The following PPP1R42 variants were observed in gnomAD, a reference collection of about 807,000 sequenced individuals.
PPP1R42 encodes protein phosphatase 1 regulatory subunit 42.
In PPP1R42, 34 loss-of-function variants were observed where a neutral mutation model predicts 31.0. That is an observed-to-expected ratio of 1.10 (90% CI 0.83 to 1.46). PPP1R42 has a LOEUF of 1.46. Ranked by LOEUF, PPP1R42 falls within the 40% of genes most tolerant of loss-of-function variation. PPP1R42 has a pLI of 0.00. For synonymous variants in PPP1R42, 103 were observed against 109.8 expected (o/e 0.94, Z 0.39); for missense variants, 268 against 303.0 (o/e 0.88, Z 0.86).
At chr8:66,992,933 G>A (rs1815233259) in intron 5 of PPP1R42, among the ~76,000 whole-genome samples, 1 of 152,138 alleles carries the variant, frequency 6.6e-6, no homozygotes, top group Admixed American at 6.6e-5. Context: ...CACTTAATAC[G>A]CTGAAGATTC....
intron 1 of PPP1R42, among the ~76,000 whole-genome samples, chr8:67,026,004 CAAAAAAA>C (rs534627312): frequency 1.2e-5 from 1 of 82,814 alleles, no homozygotes; most frequent in African/African-American, 4.5e-5. Flanking sequence ...GACTCCGTCT[CAAAAAAA>C]AAAAAAAAGA....
At chr8:66,998,479 C>T (rs1210619574) in intron 5 of PPP1R42, among the ~76,000 whole-genome samples, 2 of 152,154 alleles carry the variant, frequency 1.3e-5, no homozygotes, top group East Asian at 3.8e-4. Flanking sequence ...TATATGTACC[C>T]AATCACATAG....
intron 7 of PPP1R42, among the ~76,000 whole-genome samples, chr8:66,977,704 C>T (rs1157165692): frequency 6.6e-6 from 1 of 152,006 alleles, no homozygotes; most frequent in African/African-American, 2.4e-5. Context: ...AGGGGTTTCA[C>T]CATATTGGCC....
At chr8:66,966,148 TG>T (rs1249712422) in intron 7 of PPP1R42, among the ~76,000 whole-genome samples, 1 of 152,236 alleles carries the variant, frequency 6.6e-6, no homozygotes, top group East Asian at 1.9e-4. Flanking sequence ...ATATCTCACT[TG>T]CCAGCTAGTG....
intron 5 of PPP1R42, among the ~76,000 whole-genome samples, chr8:66,991,080 G>A (rs1362815987): frequency 6.6e-6 from 1 of 152,136 alleles, no homozygotes. Context: ...GAAAACCAAT[G>A]AAGTAAATCA....
intron 6 of PPP1R42, chr8:66,985,358 C>T: frequency 1.3e-6 from 1 of 766,080 alleles, no homozygotes; most frequent in East Asian, 2.4e-5. Flanking sequence ...ATGGTTCCCT[C>T]CGAAGAGGGA....
intron 5 of PPP1R42, among the ~76,000 whole-genome samples, chr8:67,009,028 T>C (rs1264587784): frequency 2.0e-5 from 3 of 152,126 alleles, no homozygotes; most frequent in Admixed American, 2.0e-4. Context: ...CCCAGCACTT[T>C]GGGAGGCTGA....
chr8:67,005,410 GTC>G (rs1480733987), intron 5 of PPP1R42, among the ~76,000 whole-genome samples: 1 of 151,826 alleles, frequency 6.6e-6, no homozygotes, highest in East Asian at 1.9e-4. Flanking sequence ...TTTTTTCTCT[GTC>G]TCTATTGTCT....
chr8:66,988,711 G>C (rs1330914995), intron 5 of PPP1R42, among the ~76,000 whole-genome samples, 194 bp from the exon 6 acceptor site: 1 of 151,900 alleles, frequency 6.6e-6, no homozygotes, highest in African/African-American at 2.4e-5. Flanking sequence ...CTGAAGATGA[G>C]GCAAAAAAAA....
chr8:67,027,709 T>C (rs1207900079), intron 1 of PPP1R42, among the ~76,000 whole-genome samples: 2 of 152,236 alleles, frequency 1.3e-5, no homozygotes, highest in Non-Finnish European at 2.9e-5. Flanking sequence ...TTTTAGAACA[T>C]TATAATAAAA....
intron 3 of PPP1R42, among the ~76,000 whole-genome samples, chr8:67,014,174 T>C (rs1053256026): frequency 6.6e-6 from 1 of 152,144 alleles, no homozygotes. Flanking sequence ...AAAACACAAA[T>C]TATTAATATT....
intron 4 of PPP1R42, among the ~76,000 whole-genome samples, chr8:67,012,401 G>A (rs1377446671): frequency 2.0e-5 from 3 of 152,026 alleles, no homozygotes; most frequent in Non-Finnish European, 4.4e-5. Context: ...AATTTATTGT[G>A]GCACCTCCAT....
rs1003670963 is a variant in PPP1R42 at position 66,981,896 on chromosome 8, T to G, written c.802+153A>C. 6 of 718,512 alleles carry G rather than the reference T, an allele frequency of 8.4e-6. No individual in the cohort carries two copies. In the South Asian group the frequency reaches 1.6e-4, roughly 19 times the overall value. The allele number at this position is 718,512 out of a possible 1,614,324, so 44.5% of individuals were successfully genotyped here. On this transcript the variant is annotated intron_variant, in intron 7 of 7. Transcript: ENST00000685739. ...TCTAATACAAGACAAATTGTACTTA[T>G]GTACAACTAAGTAAATAAGTTTTAA...
At chr8:67,023,345 A>G (rs933642322) in intron 1 of PPP1R42, among the ~76,000 whole-genome samples, 3 of 152,250 alleles carry the variant, frequency 2.0e-5, no homozygotes, top group Non-Finnish European at 2.9e-5. Flanking sequence ...CTTGGGCGAA[A>G]GCAATCCACC....
At chr8:66,974,418 G>C (rs1241124029) in intron 7 of PPP1R42, among the ~76,000 whole-genome samples, 1 of 152,114 alleles carries the variant, frequency 6.6e-6, no homozygotes, top group African/African-American at 2.4e-5. Context: ...GCCGGGTGTG[G>C]TGGTACATGC....
rs752121445 is a variant in PPP1R42, at chr8:67,014,587, G to C, written c.135C>G (p.Asp45Glu). The change falls in exon 3 of 8, where the codon GAC (aspartate) becomes GAG (glutamate). Residue 45 changes from aspartate (D) to glutamate (E), a missense_variant. Physicochemically the swap from Asp to Glu is conservative, Grantham distance 45. Transcript: ENST00000685739. ...CACTAAGATTTTTGCAAAGAGAGAG[G>C]TCTTCCTAAAAGGGAAACAAAAACA... ...FSDKNIDAIEDLSLCKNLSVL... is the reference protein window; with the variant it reads ...FSDKNIDAIEELSLCKNLSVL... 1.6e-5 allele frequency: 24 copies of C among 1,524,398 alleles called. No individual in the cohort carries two copies. The Admixed American group carries it at 5.1e-4, about 32-fold the overall frequency. 94.4% of individuals were successfully genotyped at this position (1,524,398 alleles called of 1,614,324 possible).
At chr8:67,006,521 A>G (rs1815682363) in intron 5 of PPP1R42, among the ~76,000 whole-genome samples, 1 of 152,016 alleles carries the variant, frequency 6.6e-6, no homozygotes, top group Admixed American at 6.6e-5. Context: ...CACGAAGCTA[A>G]TTGCTAATTT....
At chr8:67,016,597 C>T (rs1308584630) in intron 2 of PPP1R42, among the ~76,000 whole-genome samples, 1 of 152,210 alleles carries the variant, frequency 6.6e-6, no homozygotes, top group East Asian at 1.9e-4. Flanking sequence ...AAAGATTTCA[C>T]TGTTAAACTC....
At chr8:67,021,878 T>C (rs1489736255) in intron 1 of PPP1R42, among the ~76,000 whole-genome samples, 1 of 152,226 alleles carries the variant, frequency 6.6e-6, no homozygotes, top group Non-Finnish European at 1.5e-5. Context: ...TCTGGGTTGA[T>C]GTATGTAGCT....
Sources: gnomAD v4.1 joint callset for allele counts (sites outside exome capture counted in the v4.1 genomes callset) on GRCh38, gnomAD v4.1.1 for gene constraint, MANE v1.5 for transcripts, NCBI Gene and HGNC (gene_info 2026-07-23, HGNC 2026-07-21) for gene names.